Variants in MMD2 observed in about 807,000 individuals in gnomAD.
MMD2 encodes monocyte to macrophage differentiation associated 2.
MMD2 carries 30 observed loss-of-function variants against 33.5 expected under a neutral mutation model. The observed-to-expected ratio is 0.90, with a 90% CI of 0.67 to 1.22. The LOEUF (loss-of-function observed/expected upper bound fraction) is 1.22. Among genes scored for constraint, MMD2 ranks in the 50% most tolerant of loss-of-function variants. MMD2 has a pLI of 0.00. For synonymous variants in MMD2, 129 were observed against 123.0 expected, an observed-to-expected ratio of 1.05 and a Z score of -0.32; for missense variants, 364 against 325.4, an observed-to-expected ratio of 1.12 and a Z score of -0.91.
At chr7:4,944,774 T>C (rs1211080635) in intron 1 of MMD2, among the ~76,000 whole-genome samples, 1 of 140,578 alleles carries the variant, frequency 7.1e-6, no homozygotes, top group Non-Finnish European at 1.5e-5. Flanking sequence ...TTTTTTTTTT[T>C]TTTTTTTTTT....
chr7:4,927,298 A>T (rs1456598269), intron 1 of MMD2, among the ~76,000 whole-genome samples: 1 of 152,050 alleles, frequency 6.6e-6, no homozygotes, highest in Non-Finnish European at 1.5e-5. Flanking sequence ...TAATCCCAGC[A>T]CTTTAAGAGG....
At chr7:4,911,058 C>G (rs1407246658) in intron 5 of MMD2, 87 bp downstream of exon 5, 1 of 1,137,178 alleles carries the variant, frequency 8.8e-7, no homozygotes, top group African/African-American at 1.5e-5. Context: ...ATGAGATCAT[C>G]CTGGACTCTC....
At chr7:4,948,848 C>A (rs1212152887) in intron 1 of MMD2, among the ~76,000 whole-genome samples, 3 of 152,144 alleles carry the variant, frequency 2.0e-5, no homozygotes, top group African/African-American at 7.2e-5. Context: ...TTATAAGCCA[C>A]CTAGTCTAGG....
At position 4,929,617 on chromosome 7, in the gene MMD2, C is replaced by G. The variant is rs142831798; in HGVS notation, c.48-4085G>C. Among the ~76,000 whole-genome samples the G allele has an allele frequency of 2.0e-5, 3 of 152,028 alleles. No homozygotes were observed. In the East Asian group the frequency reaches 5.8e-4, roughly 29 times the overall value. ...TTGGCTCACTGCAACCTCTGCCTCCCGGGTTCAAGTGATTATCCTGCCTCA... is the reference window on the plus strand; with the variant it reads ...TTGGCTCACTGCAACCTCTGCCTCCGGGGTTCAAGTGATTATCCTGCCTCA... On this transcript the variant is annotated intron_variant, in intron 1 of 6. Transcript: ENST00000401401.
At chr7:4,928,551 T>C (rs768408058) in intron 1 of MMD2, among the ~76,000 whole-genome samples, 2 of 151,866 alleles carry the variant, frequency 1.3e-5, no homozygotes, top group Admixed American at 6.6e-5. Flanking sequence ...ATGGAGCACT[T>C]ATTAGGCAGG....
At chr7:4,935,736 T>A (rs1471255974) in intron 1 of MMD2, among the ~76,000 whole-genome samples, 2 of 151,128 alleles carry the variant, frequency 1.3e-5, no homozygotes, top group Non-Finnish European at 2.9e-5. Flanking sequence ...TAGACCATGA[T>A]GCTTGGCATT....
chr7:4,951,788 CA>C (rs1786250719), intron 1 of MMD2, among the ~76,000 whole-genome samples: 1 of 151,996 alleles, frequency 6.6e-6, no homozygotes, highest in African/African-American at 2.4e-5. Context: ...TTTGTACAGA[CA>C]GGGTCTTGCT....
chr7:4,923,409 A>T (rs1415412523), intron 2 of MMD2, among the ~76,000 whole-genome samples: 1 of 152,056 alleles, frequency 6.6e-6, no homozygotes, highest in Non-Finnish European at 1.5e-5. Flanking sequence ...CGGCCAATTC[A>T]GCACCTCTTT....
At position 4,907,546 on chromosome 7, in the gene MMD2, C is replaced by T. The variant is rs1784895351; in HGVS notation, c.591G>A (p.Leu197=). 2 of 1,613,558 alleles carry T rather than the reference C, an allele frequency of 1.2e-6. No individual in the cohort carries two copies. The highest frequency in any genetic ancestry group is 1.7e-6 in the Non-Finnish European group (2 of 1,179,882). Residue 197 remains leucine, a synonymous_variant, in exon 7 of 7, where the codon CTG becomes CTA. Transcript: ENST00000401401. ...ELVTGGVFYC[L]GMVFFKSDGR... is the part of the protein sequence containing the mutation. ...CGTCACTCTTGAAGAAGACCATGCC[C>T]AGGCAGTAGAAGACCCCTCCGGTCA...
the MMD2 span, among the ~76,000 whole-genome samples, chr7:4,898,302 T>C: frequency 5.9e-5 from 9 of 152,222 alleles, no homozygotes; most frequent in Non-Finnish European, 1.3e-4. Context: ...TCCCAAGGTA[T>C]GACACCATGC....
At chr7:4,909,649 T>G (rs1412837156) in intron 6 of MMD2, 1 of 707,856 alleles carries the variant, frequency 1.4e-6, no homozygotes, top group Non-Finnish European at 2.6e-6. Context: ...TTGCCCAGGC[T>G]GGTCTCAAAT....
rs1003606249 is a variant in MMD2, at chr7:4,925,213, G to T, written c.129+238C>A. On this transcript the variant is annotated intron_variant, in intron 2 of 6. Transcript: ENST00000401401. ...TCCAAAGTGCTGGAATTATAGGCATGAGCCACCATGCTCGGCCCCATCGAA... is the reference window on the plus strand; with the variant it reads ...TCCAAAGTGCTGGAATTATAGGCATTAGCCACCATGCTCGGCCCCATCGAA... Among the ~76,000 whole-genome samples the T allele has an allele frequency of 1.3e-5, 2 of 152,248 alleles. 1 individual carries two copies. Among genetic ancestry groups the T allele is most frequent in the South Asian group, 4.1e-4 (2 of 4,822 alleles).
intron 2 of MMD2, among the ~76,000 whole-genome samples, chr7:4,922,358 C>A (rs1239954452): frequency 2.6e-5 from 4 of 152,038 alleles, no homozygotes; most frequent in Non-Finnish European, 5.9e-5. Flanking sequence ...TCCCTTGAGG[C>A]CAGGAGTTTG....
At chr7:4,945,364 G>A (rs1786046189) in intron 1 of MMD2, among the ~76,000 whole-genome samples, 1 of 150,878 alleles carries the variant, frequency 6.6e-6, no homozygotes, top group Admixed American at 6.6e-5. Context: ...TGCCTCCCGG[G>A]TTCAAGCAAT....
intron 6 of MMD2, among the ~76,000 whole-genome samples, chr7:4,909,120 A>G (rs1048370687): frequency 6.6e-6 from 1 of 152,172 alleles, no homozygotes; most frequent in African/African-American, 2.4e-5. Context: ...ATTTAGAGAA[A>G]AAAAACATGG....
At chr7:4,917,904 C>A (rs1368751054) in intron 3 of MMD2, among the ~76,000 whole-genome samples, 1 of 152,056 alleles carries the variant, frequency 6.6e-6, no homozygotes, top group African/African-American at 2.4e-5. Context: ...ACTCAGGGAA[C>A]AAATAGGACA....
At chr7:4,911,645 A>T (rs553153679) in intron 4 of MMD2, among the ~76,000 whole-genome samples, 9 of 149,736 alleles carry the variant, frequency 6.0e-5, no homozygotes, top group Non-Finnish European at 1.3e-4. Flanking sequence ...ATTTTATTTT[A>T]TTTATTTTAT....
At chr7:4,892,590 A>G in the MMD2 span, among the ~76,000 whole-genome samples, 1 of 145,652 alleles carries the variant, frequency 6.9e-6, no homozygotes, top group African/African-American at 2.5e-5. Context: ...TCTGCTATAA[A>G]TAAATAAATA....
chr7:4,922,761 A>G (rs73320298), intron 2 of MMD2, among the ~76,000 whole-genome samples: 3,341 of 152,066 alleles, frequency 0.022, 133 homozygotes, highest in African/African-American at 0.078. Flanking sequence ...CTATTTTGCG[A>G]TCACCTACCA....
Sources: allele counts gnomAD v4.1 joint callset (sites outside exome capture counted in the v4.1 genomes callset), GRCh38; gene constraint gnomAD v4.1.1; transcripts MANE v1.5; gene names NCBI Gene and HGNC (gene_info 2026-07-23, HGNC 2026-07-21).